The following UNC13B variants were observed in gnomAD, a reference collection of about 807,000 sequenced individuals.
The protein encoded by UNC13B is protein unc-13 homolog B.
UNC13B carries 144 observed loss-of-function variants against 211.0 expected under a neutral mutation model. That is an observed-to-expected ratio of 0.68 (90% confidence interval 0.60 to 0.78). The LOEUF is 0.78. Ranked by LOEUF, UNC13B falls within the 30% of genes least tolerant of loss-of-function variation. UNC13B has a pLI of 0.00. For synonymous variants in UNC13B, 709 were observed against 725.8 expected (o/e 0.98, Z 0.37); for missense variants, 1,777 against 2,002.0 (o/e 0.89, Z 2.14).
At position 35,375,120 on chromosome 9, in the gene UNC13B, C is replaced by G; in HGVS notation, c.9541-7C>G. The G allele has an allele frequency of 6.2e-7, 1 of 1,614,120 alleles. No individual in the cohort carries two copies. The highest frequency in any genetic ancestry group is 8.5e-7 in the Non-Finnish European group (1 of 1,180,002). On this transcript the variant is annotated splice_polypyrimidine_tract_variant and splice_region_variant and intron_variant, in intron 13 of 39. Coordinates refer to ENST00000635942, the MANE Select transcript of UNC13B (RefSeq NM_001371189.2). ...GGTCAGGGCTAACAGCAGATCTTCC[C>G]TGACAGTCACTGGTCCAGTCTCGGA...
At chr9:35,367,044 T>G (rs758832166) in intron 12 of UNC13B, 51 bp downstream of exon 12, 2 of 1,550,522 alleles carry the variant, frequency 1.3e-6, no homozygotes, top group Non-Finnish European at 1.8e-6. Context: ...TATCTCTTGA[T>G]GCTTTTAGCT....
At position 35,252,479 on chromosome 9, in the gene UNC13B, A is replaced by G. The variant is rs537757600; in HGVS notation, c.469-6514A>G. 1.1e-4 allele frequency among the ~76,000 whole-genome samples: 16 copies of G among 150,808 alleles called. No homozygotes were observed. In the East Asian group the frequency reaches 2.0e-3, roughly 19 times the overall value. On this transcript the variant is annotated intron_variant, in intron 6 of 39. Transcript: ENST00000635942. ...ACTACCATGCCTGGCTAATTTTTGT[A>G]TTTTTTTTATAGTGACAGGGTTTCA...
At chr9:35,323,024 T>C (rs890332005) in intron 11 of UNC13B, among the ~76,000 whole-genome samples, 2 of 151,666 alleles carry the variant, frequency 1.3e-5, no homozygotes, top group Non-Finnish European at 2.9e-5. Flanking sequence ...TATTTATAAA[T>C]ATATAATGCA....
chr9:35,365,220 C>T (rs1833700101), intron 11 of UNC13B, among the ~76,000 whole-genome samples: 1 of 152,180 alleles, frequency 6.6e-6, no homozygotes, highest in South Asian at 2.1e-4. Context: ...GTGATTTGGG[C>T]CATAGTAAAC....
intron 1 of UNC13B, among the ~76,000 whole-genome samples, chr9:35,225,159 TTTG>T (rs1414844516): frequency 5.3e-5 from 8 of 152,186 alleles, no homozygotes; most frequent in South Asian, 2.1e-4. Flanking sequence ...TGTGTTCTTG[TTTG>T]TTGTTGTTGT....
At chr9:35,272,998 A>G (rs755870214) in intron 7 of UNC13B, among the ~76,000 whole-genome samples, 2 of 152,238 alleles carry the variant, frequency 1.3e-5, no homozygotes, top group Non-Finnish European at 2.9e-5. Flanking sequence ...CTGGTTATCT[A>G]TTAAGGGTTT....
chr9:35,342,016 A>G (rs1832027618), intron 11 of UNC13B: 2 of 985,394 alleles, frequency 2.0e-6, no homozygotes, highest in Non-Finnish European at 2.4e-6. Flanking sequence ...ACCAGGTTAG[A>G]TTTCTACGTT....
rs751513784 is a variant in UNC13B, at chr9:35,371,349, C to CT, written c.9540+968dup. On this transcript the variant is annotated intron_variant, in intron 13 of 39. Coordinates refer to ENST00000635942, the MANE Select transcript of UNC13B (RefSeq NM_001371189.2). ...CTCCTTTCTCTCTCTTTCTTTCTTT[C>CT]TTTTTTTTTTTTTTTATAGAGACGG... is the stretch of plus-strand genomic sequence containing the variant. Among the ~76,000 whole-genome samples the CT allele has an allele frequency of 3.4e-3, 469 of 138,826 alleles. 4 individuals carry two copies. Among genetic ancestry groups the CT allele is most frequent in the African/African-American group, 6.1e-3 (234 of 38,084 alleles). 91.1% of individuals were successfully genotyped at this position (138,826 alleles called of 152,430 possible).
In UNC13B at chr9:35,313,982, T is replaced by C. The variant is rs749759595; in HGVS notation, c.9407T>C (p.Leu3136Pro). The C allele has an allele frequency of 4.3e-6, 7 of 1,613,490 alleles. No individual in the cohort carries two copies. Among genetic ancestry groups the C allele is most frequent in the Non-Finnish European group, 5.9e-6 (7 of 1,179,478 alleles). Residue 3136 changes from leucine to proline, a missense_variant, in exon 11 of 40, where the codon CTG becomes CCG. Coordinates refer to ENST00000635942, the MANE Select transcript of UNC13B (RefSeq NM_001371189.2). ...GCAGTTACCAAGGTTCGACTCCAGC[T>C]GCAGGAGGTAGGAAATCTGTTCTAG... ...IRAVTKVRLQ[L>P]QEIPDDGDPS... is the part of the protein sequence containing the mutation.
intron 6 of UNC13B, among the ~76,000 whole-genome samples, chr9:35,249,849 C>T (rs1273089242): frequency 3.3e-5 from 5 of 152,144 alleles, no homozygotes; most frequent in South Asian, 2.1e-4. Context: ...TTGCTCTTCT[C>T]GAGGAGTATC....
At chr9:35,162,448 C>T in intron 1 of UNC13B, 143 bp downstream of exon 1, 1 of 1,132,178 alleles carries the variant, frequency 8.8e-7, no homozygotes, top group Non-Finnish European at 1.2e-6. Flanking sequence ...AATCACTTAA[C>T]AATCACTTGA....
chr9:35,228,481 C>T (rs915369411), intron 2 of UNC13B, among the ~76,000 whole-genome samples: 2 of 151,760 alleles, frequency 1.3e-5, no homozygotes, highest in Non-Finnish European at 2.9e-5. Flanking sequence ...TGCTATCCCT[C>T]CCCCCGTCCC....
At chr9:35,204,041 A>G (rs1235598770) in intron 1 of UNC13B, among the ~76,000 whole-genome samples, 1 of 152,238 alleles carries the variant, frequency 6.6e-6, no homozygotes, top group African/African-American at 2.4e-5. Flanking sequence ...GCACAGCTCC[A>G]TGCATCCTGG....
At chr9:35,235,427 C>G (rs1224271935) in intron 3 of UNC13B, among the ~76,000 whole-genome samples, 1 of 152,038 alleles carries the variant, frequency 6.6e-6, no homozygotes, top group Non-Finnish European at 1.5e-5. Context: ...CCTGGACTCC[C>G]TTTCATAAAT....
intron 11 of UNC13B, chr9:35,351,974 C>G (rs972087354): frequency 1.6e-6 from 2 of 1,232,138 alleles, no homozygotes; most frequent in Admixed American, 8.4e-5. Flanking sequence ...CATCAGAGAG[C>G]TGCAAGGCAT....
chr9:35,369,721 A>T (rs771464503), intron 12 of UNC13B, among the ~76,000 whole-genome samples: 1 of 152,014 alleles, frequency 6.6e-6, no homozygotes, highest in Admixed American at 6.6e-5. Flanking sequence ...GAAGTCTCTC[A>T]TACCACCTCC....
intron 1 of UNC13B, among the ~76,000 whole-genome samples, chr9:35,226,107 G>A (rs1824826231): frequency 6.6e-6 from 1 of 152,116 alleles, no homozygotes; most frequent in Non-Finnish European, 1.5e-5. Flanking sequence ...CTGTTCTTTA[G>A]CCAGTAAATG....
intron 2 of UNC13B, among the ~76,000 whole-genome samples, chr9:35,228,465 T>C (rs1367943210): frequency 6.6e-6 from 1 of 152,104 alleles, no homozygotes; most frequent in Admixed American, 6.6e-5. Flanking sequence ...TAGGTATTTC[T>C]CCTAATGCTA....
At chr9:35,185,007 G>A (rs774415815) in intron 1 of UNC13B, among the ~76,000 whole-genome samples, 8 of 152,120 alleles carry the variant, frequency 5.3e-5, no homozygotes, top group African/African-American at 1.4e-4. Flanking sequence ...ATATTCATTC[G>A]TATGGGGGTT....
Sources: allele counts gnomAD v4.1 joint callset (sites outside exome capture counted in the v4.1 genomes callset), GRCh38; gene constraint gnomAD v4.1.1; transcripts MANE v1.5; gene names NCBI Gene and HGNC (gene_info 2026-07-23, HGNC 2026-07-21).